The following PCAT7 variants were observed in gnomAD, a reference collection of about 807,000 sequenced individuals.
PCAT7 encodes the protein prostate cancer associated transcript 7, also known as prostate cancer associated transcript 7 (non-protein coding).
intron 2 of PCAT7, among the ~76,000 whole-genome samples, chr9:94,564,890 T>C (rs111761857): frequency 6.6e-6 from 1 of 152,148 alleles, no homozygotes; most frequent in Admixed American, 6.5e-5. Context: ...GATGAATATA[T>C]TTAACAATAA....
chr9:94,563,091 T>C (rs1350293545), intron 2 of PCAT7, among the ~76,000 whole-genome samples: 2 of 152,146 alleles, frequency 1.3e-5, no homozygotes, highest in Non-Finnish European at 2.9e-5. Context: ...TGGTGAACGG[T>C]GGGTGTGAGG....
intron 2 of PCAT7, among the ~76,000 whole-genome samples, chr9:94,565,704 A>G (rs1486426322): frequency 3.9e-5 from 6 of 151,938 alleles, no homozygotes; most frequent in East Asian, 3.9e-4. Flanking sequence ...AAGCTACGAG[A>G]AATCTCTCAG....
intron 2 of PCAT7, among the ~76,000 whole-genome samples, chr9:94,565,783 GA>G (rs1564180701): frequency 3.0e-5 from 4 of 135,232 alleles, no homozygotes; most frequent in Non-Finnish European, 4.7e-5. Context: ...TAGATAGATA[GA>G]TAGATGATAG....
At chr9:94,572,428 G>A (rs1827279318) in intron 2 of PCAT7, among the ~76,000 whole-genome samples, 1 of 152,190 alleles carries the variant, frequency 6.6e-6, no homozygotes, top group Non-Finnish European at 1.5e-5. Context: ...TAGAACTGGA[G>A]TACAGCATTG....
chr9:94,571,029 C>G (rs1433236882), intron 2 of PCAT7: 2 of 154,916 alleles, frequency 1.3e-5, no homozygotes, highest in Non-Finnish European at 2.9e-5. Context: ...GTATACTTGG[C>G]AAAGCATTTC....
chr9:94,562,223 T>C (rs566739631), intron 2 of PCAT7, among the ~76,000 whole-genome samples: 19 of 142,950 alleles, frequency 1.3e-4, no homozygotes, highest in African/African-American at 5.0e-4. Flanking sequence ...GGCAGGAGAA[T>C]GGTGTGAACC....
At chr9:94,567,560 A>G in intron 2 of PCAT7, 3 of 803,172 alleles carry the variant, frequency 3.7e-6, no homozygotes, top group Non-Finnish European at 5.9e-6. Flanking sequence ...TGGTGTTTTC[A>G]TGAGTGGTGG....
chr9:94,559,157 G>C, intron 2 of PCAT7: 1 of 1,598,098 alleles, frequency 6.3e-7, no homozygotes, highest in South Asian at 1.1e-5. Context: ...AGGCAGGTGA[G>C]TAAACTCTGC....
intron 1 of PCAT7, chr9:94,555,430 T>A (rs10993245): frequency 0.056 from 8,450 of 151,308 alleles, 306 homozygotes; most frequent in Non-Finnish European, 0.086. Context: ...GGGGAAAAGA[T>A]GGTGGGGAAA....
At chr9:94,573,693 A>G (rs1485024883) in intron 3 of PCAT7, among the ~76,000 whole-genome samples, 1 of 152,212 alleles carries the variant, frequency 6.6e-6, no homozygotes, top group Non-Finnish European at 1.5e-5. Flanking sequence ...GCCATGGTGT[A>G]TAATTTATTT....
At chr9:94,562,371 G>C (rs1827122362) in intron 2 of PCAT7, among the ~76,000 whole-genome samples, 1 of 149,108 alleles carries the variant, frequency 6.7e-6, no homozygotes, top group Non-Finnish European at 1.5e-5. Context: ...GCCTCACTTA[G>C]TCCTCCATGG....
intron 2 of PCAT7, among the ~76,000 whole-genome samples, chr9:94,562,179 C>T (rs1425498634): frequency 2.6e-5 from 4 of 151,938 alleles, no homozygotes; most frequent in East Asian, 3.9e-4. Flanking sequence ...GGCGTGGTGG[C>T]GGGCGCCTGT....
At chr9:94,565,769 ATGATAGAT>A (rs200240369) in intron 2 of PCAT7, among the ~76,000 whole-genome samples, 2,105 of 43,680 alleles carry the variant, frequency 0.048, 155 homozygotes, top group East Asian at 0.44. Context: ...AGATACATAG[ATGATAGAT>A]AGATAGATAG....
At chr9:94,563,606 T>C in intron 2 of PCAT7, 1 of 894,624 alleles carries the variant, frequency 1.1e-6, no homozygotes, top group Non-Finnish European at 1.7e-6. Context: ...GAAAAGATTA[T>C]ATAATTGTGC....
chr9:94,554,970 A>C (rs1587831754), upstream of PCAT7: 1 of 151,790 alleles, frequency 6.6e-6, no homozygotes, highest in East Asian at 1.9e-4. Flanking sequence ...TGAGAGAAAA[A>C]CCTCTAGGCC....
Position 94,562,596 on chromosome 9 carries a change from A to G in PCAT7, n.441+3444A>G, listed in dbSNP as rs139094641. Among the ~76,000 whole-genome samples the G allele has an allele frequency of 5.7e-3, 871 of 152,302 alleles. 6 individuals are homozygous for G. The highest frequency in any genetic ancestry group is 0.019 in the East Asian group (97 of 5,184). On this transcript the variant is annotated intron_variant and non_coding_transcript_variant, in intron 2 of 8. Coordinates refer to ENST00000647389, the Ensembl canonical transcript of PCAT7. ...AAATCTCAAGGTGACTCTGAGAGAC[A>G]GAAAAATGTGTCGCTGGTTGTTGGT...
intron 2 of PCAT7, among the ~76,000 whole-genome samples, chr9:94,561,352 A>ATTTTTTTTTTTTTTTTTTTTTTTTTTTT: frequency 1.8e-5 from 1 of 54,970 alleles, no homozygotes; most frequent in Non-Finnish European, 3.1e-5. Context: ...TGTGACCTGT[A>ATTTTTTTTTTTTTTTTTTTTTTTTTTTT]TTTTTTTTTT....
intron 2 of PCAT7, among the ~76,000 whole-genome samples, chr9:94,562,756 A>G (rs528888997): frequency 2.0e-5 from 3 of 152,284 alleles, no homozygotes; most frequent in African/African-American, 7.2e-5. Flanking sequence ...ACTTGATAAT[A>G]CAAGTATTTT....
chr9:94,558,829 G>A, intron 1 of PCAT7: 1 of 1,032,758 alleles, frequency 9.7e-7, no homozygotes, highest in South Asian at 1.4e-5. Context: ...ATGTGATTAA[G>A]TGGATTTACC....
Sources: gnomAD v4.1 joint callset for allele counts (sites outside exome capture counted in the v4.1 genomes callset) on GRCh38, gnomAD v4.1.1 for gene constraint, MANE v1.5 for transcripts, NCBI Gene and HGNC (gene_info 2026-07-23, HGNC 2026-07-21) for gene names.